Variants in AFDN observed in about 807,000 individuals in gnomAD.
AFDN encodes the protein afadin, adherens junction formation factor.
A neutral mutation model predicts 216.6 loss-of-function variants in AFDN; 68 were observed. The observed-to-expected ratio is 0.31, with a 90% CI of 0.26 to 0.38. AFDN has a LOEUF of 0.38. Among genes scored for constraint, AFDN ranks in the 10% least tolerant of loss-of-function variants. AFDN has a pLI of 1.00. For synonymous variants in AFDN, 868 were observed against 853.7 expected (o/e 1.02, Z -0.29); for missense variants, 2,136 against 2,342.0 (o/e 0.91, Z 1.82).
At chr6:167,948,581 T>C in intron 29 of AFDN, 103 bp downstream of exon 29, 1 of 1,142,986 alleles carries the variant, frequency 8.7e-7, no homozygotes, top group Non-Finnish European at 1.2e-6. Flanking sequence ...TTGTTGGCCT[T>C]TTGTTTTTCC....
chr6:167,876,197 G>A (rs1425261667), intron 5 of AFDN, among the ~76,000 whole-genome samples: 1 of 152,120 alleles, frequency 6.6e-6, no homozygotes, highest in East Asian at 1.9e-4. Flanking sequence ...GGGGAACGTT[G>A]GCCCACCCTA....
intron 19 of AFDN, among the ~76,000 whole-genome samples, chr6:167,916,600 G>A (rs1791097526): frequency 6.6e-6 from 1 of 151,974 alleles, no homozygotes; most frequent in South Asian, 2.1e-4. Context: ...AGGAGGTGAT[G>A]TTTTGCAATT....
intron 18 of AFDN, 39 bp downstream of exon 18, chr6:167,914,777 C>T (rs753198563): frequency 7.2e-7 from 1 of 1,396,906 alleles, no homozygotes. Flanking sequence ...TATCCCGCTT[C>T]CTTCACGTTT....
chr6:167,835,825 T>A (rs1244713279), intron 1 of AFDN, among the ~76,000 whole-genome samples: 1 of 152,014 alleles, frequency 6.6e-6, no homozygotes, highest in Non-Finnish European at 1.5e-5. Context: ...ACCTTGGGGG[T>A]TCATGGACTG....
intron 1 of AFDN, among the ~76,000 whole-genome samples, chr6:167,830,118 T>TA (rs1335246901): frequency 6.6e-6 from 1 of 152,230 alleles, no homozygotes; most frequent in African/African-American, 2.4e-5. Context: ...AGAAACTCCT[T>TA]AAAGTATGTA....
chr6:167,912,932 C>A (rs67052379), intron 15 of AFDN, among the ~76,000 whole-genome samples: 39,563 of 152,112 alleles, frequency 0.26, 7,028 homozygotes, highest in African/African-American at 0.51. Flanking sequence ...TTTAAATTCT[C>A]ATCTTCTCAG....
At chr6:167,844,391 A>C (rs796864785) in intron 1 of AFDN, among the ~76,000 whole-genome samples, 50 of 152,310 alleles carry the variant, frequency 3.3e-4, no homozygotes, top group African/African-American at 1.2e-3. Context: ...TTTCTGCAAC[A>C]TGCTTTATTA....
Position 167,943,480 on chromosome 6 carries a change from C to T in AFDN, c.3239+5C>T, listed in dbSNP as rs1469827711. 2 of 1,609,572 alleles carry T rather than the reference C, an allele frequency of 1.2e-6. No homozygotes were observed. Among genetic ancestry groups the T allele is most frequent in the East Asian group, 4.5e-5 (2 of 44,854 alleles). On this transcript the variant is annotated splice_donor_5th_base_variant and intron_variant, in intron 25 of 33. Coordinates refer to ENST00000683244, the MANE Select transcript of AFDN (RefSeq NM_001386888.1). ...GGTTGGACTCTCTCAGGAAAGGTAT[C>T]ATTGATTTATTTGCTTGAAGCATAG...
chr6:167,907,625 T>G (rs192625749), intron 13 of AFDN, among the ~76,000 whole-genome samples: 4 of 152,256 alleles, frequency 2.6e-5, no homozygotes, highest in African/African-American at 7.2e-5. Context: ...TAGAAAAATC[T>G]GGTCATTTCA....
At chr6:167,920,637 C>T (rs1791665482) in intron 21 of AFDN, among the ~76,000 whole-genome samples, 1 of 152,144 alleles carries the variant, frequency 6.6e-6, no homozygotes, top group Non-Finnish European at 1.5e-5. Context: ...GGAACTCTTC[C>T]TCTGTCATGT....
intron 12 of AFDN, among the ~76,000 whole-genome samples, chr6:167,906,812 A>G (rs979749142): frequency 4.6e-5 from 7 of 152,224 alleles, no homozygotes; most frequent in Non-Finnish European, 8.8e-5. Context: ...CATGTTGTAC[A>G]TATTTTCTTA....
At position 167,890,893 on chromosome 6, in the gene AFDN, A is replaced by G. The variant is rs1430246111; in HGVS notation, c.1041A>G (p.Pro347=). Residue 347 remains proline (P), a synonymous_variant, in exon 8 of 34, where the codon CCA becomes CCG. Transcript: ENST00000683244. ...GILVFQLKRR[P]PDHIPKKTKK... ...TAGTCTTTCAGTTGAAGAGGAGGCC[A>G]CCAGACCACATCCCAAAGAAAACCA... The G allele has an allele frequency of 1.2e-6, 2 of 1,613,754 alleles. No homozygotes were observed. The highest frequency in any genetic ancestry group is 2.7e-5 in the African/African-American group (2 of 75,024).
At position 167,913,429 on chromosome 6, in the gene AFDN, A is replaced by T. The variant is rs896341640; in HGVS notation, c.2058+6A>T. 1.6e-5 allele frequency: 24 copies of T among 1,535,756 alleles called. No individual in the cohort carries two copies. The African/African-American group carries it at 1.8e-4, about 11-fold the overall frequency. ...AAGTAGACCAGGTTGACCAGGTAGG[A>T]CATCTGCTGGGAGCTGATCCTAGCT... On this transcript the variant is annotated splice_donor_region_variant and intron_variant, in intron 16 of 33. Coordinates refer to ENST00000683244, the MANE Select transcript of AFDN (RefSeq NM_001386888.1).
intron 21 of AFDN, among the ~76,000 whole-genome samples, chr6:167,919,632 T>C (rs1174664642): frequency 6.6e-6 from 1 of 152,278 alleles, no homozygotes; most frequent in African/African-American, 2.4e-5. Flanking sequence ...GAAGGGCTTA[T>C]AGCCCTGAAA....
chr6:167,883,755 G>A (rs1786436317), intron 6 of AFDN, among the ~76,000 whole-genome samples: 1 of 152,162 alleles, frequency 6.6e-6, no homozygotes, highest in African/African-American at 2.4e-5. Context: ...GCTGGTGCAG[G>A]GGCTTGCGTG....
At chr6:167,958,977 G>A (rs1487741587) in intron 30 of AFDN, among the ~76,000 whole-genome samples, 1 of 152,244 alleles carries the variant, frequency 6.6e-6, no homozygotes, top group African/African-American at 2.4e-5. Flanking sequence ...GGAAGTCTCA[G>A]TTTTACTCAA....
In AFDN at chr6:167,870,497, A is replaced by C; in HGVS notation, c.413A>C (p.Lys138Thr). The change falls in exon 3 of 34, where the codon AAG becomes ACG. Residue 138 changes from lysine (K) to threonine (T), a missense_variant and splice_region_variant. Physicochemically the swap from Lys to Thr is moderately conservative, Grantham distance 78. Coordinates refer to ENST00000683244, the MANE Select transcript of AFDN (RefSeq NM_001386888.1). ...AATGAGAATGACGCCATTCCTCCTA[A>C]GGTAGGAACCCTCAGTATTTTATGA... ...LKNENDAIPP[K>T]KAQSNGPEKQ... The C allele has an allele frequency of 6.3e-7, 1 of 1,589,498 alleles. No individual in the cohort carries two copies. Among genetic ancestry groups the C allele is most frequent in the Non-Finnish European group, 8.6e-7 (1 of 1,160,688 alleles).
At chr6:167,840,485 A>G (rs946132201) in intron 1 of AFDN, among the ~76,000 whole-genome samples, 40 of 152,212 alleles carry the variant, frequency 2.6e-4, no homozygotes, top group African/African-American at 9.2e-4. Flanking sequence ...TCCGTGAATC[A>G]GTGTGTCCCA....
chr6:167,896,721 T>A lies in AFDN; in HGVS notation c.1223-157T>A, dbSNP rs185501893. ...CTTATTTTGAATTTTCTGTATCCAG[T>A]TTGTTAAATTGTGTTACATAAGTTT... On this transcript the variant is annotated intron_variant, in intron 9 of 33. Transcript: ENST00000683244. 5.8e-4 allele frequency among the ~76,000 whole-genome samples: 88 copies of A among 152,360 alleles called. 3 individuals are homozygous for A. In the East Asian group the frequency reaches 0.012, roughly 21 times the overall value.
Sources: allele counts gnomAD v4.1 joint callset (sites outside exome capture counted in the v4.1 genomes callset), GRCh38; gene constraint gnomAD v4.1.1; transcripts MANE v1.5; gene names NCBI Gene and HGNC (gene_info 2026-07-23, HGNC 2026-07-21).